PAX3: variants seen among roughly 807,000 people sequenced by gnomAD.
The protein encoded by PAX3 is paired box 3, also known as paired box protein Pax-3.
A neutral mutation model predicts 51.6 loss-of-function variants in PAX3; 14 were observed. That is an observed-to-expected ratio of 0.27 (90% CI 0.18 to 0.42). The LOEUF (loss-of-function observed/expected upper bound fraction) is 0.42, where lower values mean the gene tolerates loss of function less well. PAX3 is among the 10% of genes least tolerant of loss of function. The pLI is 1.00. For missense variants in PAX3, 540 were observed against 642.8 expected (o/e 0.84, Z 1.73); for synonymous variants, 280 against 253.4 (o/e 1.11, Z -1.00).
At chr2:222,251,658 A>T (rs57251250) in intron 4 of PAX3, among the ~76,000 whole-genome samples, 17,627 of 152,106 alleles carry the variant, frequency 0.12, 1,248 homozygotes, top group East Asian at 0.32. Context: ...TGGTATTTCT[A>T]GTTCTAGATC....
At chr2:222,264,885 C>T (rs999575513) in intron 4 of PAX3, 4 of 152,232 alleles carry the variant, frequency 2.6e-5, no homozygotes, top group African/African-American at 4.8e-5. Context: ...CATTCCATAC[C>T]TTTGCCCATG....
chr2:222,229,302 C>T (rs114579427), intron 5 of PAX3, among the ~76,000 whole-genome samples: 2,422 of 150,262 alleles, frequency 0.016, 40 homozygotes, highest in South Asian at 0.07. Context: ...TATAATATTA[C>T]TATATCAATA....
At chr2:222,206,731 A>G (rs1394331240) in intron 7 of PAX3, among the ~76,000 whole-genome samples, 1 of 152,216 alleles carries the variant, frequency 6.6e-6, no homozygotes, top group Non-Finnish European at 1.5e-5. Flanking sequence ...AATAAAAAAG[A>G]TAAAAACTAT....
Position 222,298,682 on chromosome 2 carries a change from G to T in PAX3, c.-67C>A, listed in dbSNP as rs770829053. On this transcript the variant is annotated 5_prime_UTR_variant, in exon 1 of 9. Transcript: ENST00000392070. ...CGAAACGGAAAGGCGAGTGCGGCGC[G>T]GATGACCCTCGGGAACTATCCGGAG... 2 of 1,442,562 alleles carry T rather than the reference G, an allele frequency of 1.4e-6. No homozygotes were observed. Among genetic ancestry groups the T allele is most frequent in the Non-Finnish European group, 1.9e-6 (2 of 1,048,284 alleles). 89.4% of individuals were successfully genotyped at this position (1,442,562 alleles called of 1,614,324 possible). A position where few individuals can be genotyped will look rare whatever the true frequency, so the allele number is the denominator to read the frequency against.
At chr2:222,269,544 G>A (rs1694175558) in intron 4 of PAX3, among the ~76,000 whole-genome samples, 1 of 151,888 alleles carries the variant, frequency 6.6e-6, no homozygotes, top group Non-Finnish European at 1.5e-5. Context: ...GTAGTGATTA[G>A]TGCAAACAAA....
At chr2:222,279,140 G>A (rs917690281) in intron 4 of PAX3, among the ~76,000 whole-genome samples, 5 of 152,110 alleles carry the variant, frequency 3.3e-5, no homozygotes, top group Non-Finnish European at 2.9e-5. Context: ...TAGTAGAGAC[G>A]GGGCGGTTTC....
At chr2:222,211,099 A>G (rs1691708651) in intron 7 of PAX3, among the ~76,000 whole-genome samples, 1 of 152,100 alleles carries the variant, frequency 6.6e-6, no homozygotes, top group Non-Finnish European at 1.5e-5. Context: ...ACTCCTAGAC[A>G]CAAGCGATCC....
chr2:222,293,514 C>A, intron 4 of PAX3: 6 of 951,558 alleles, frequency 6.3e-6, no homozygotes, highest in Non-Finnish European at 7.9e-6. Context: ...AGGGTGCCAG[C>A]ACTCTAAGAA....
intron 6 of PAX3, among the ~76,000 whole-genome samples, chr2:222,220,644 A>G (rs1468273031): frequency 2.0e-5 from 3 of 152,226 alleles, no homozygotes; most frequent in Non-Finnish European, 4.4e-5. Context: ...TTTGGTAGTG[A>G]ATGTTATTCA....
chr2:222,210,744 G>A (rs1559256058), intron 7 of PAX3, among the ~76,000 whole-genome samples: 1 of 152,148 alleles, frequency 6.6e-6, no homozygotes, highest in Non-Finnish European at 1.5e-5. Context: ...TCTTTGAAAT[G>A]TCTAAGTAGA....
chr2:222,217,169 T>C (rs547238539), intron 7 of PAX3, among the ~76,000 whole-genome samples: 11 of 152,302 alleles, frequency 7.2e-5, no homozygotes, highest in Admixed American at 6.5e-5. Flanking sequence ...TGGGGGTTGT[T>C]TTTTCTACTT....
intron 4 of PAX3, chr2:222,263,369 T>C (rs1678311815): frequency 6.6e-6 from 1 of 152,176 alleles, no homozygotes; most frequent in Non-Finnish European, 1.5e-5. Flanking sequence ...TGAAAAGTTG[T>C]CCAACATCAT....
At chr2:222,271,063 T>C (rs1438629323) in intron 4 of PAX3, among the ~76,000 whole-genome samples, 1 of 152,236 alleles carries the variant, frequency 6.6e-6, no homozygotes, top group Non-Finnish European at 1.5e-5. Flanking sequence ...ACTTCTGATG[T>C]GTTCGCGGTC....
chr2:222,233,802 A>T (rs369874355), intron 4 of PAX3, among the ~76,000 whole-genome samples: 120 of 152,322 alleles, frequency 7.9e-4, no homozygotes, highest in African/African-American at 2.7e-3. Context: ...GATCCTGTAA[A>T]GAAGGGGCCG....
chr2:222,225,816 A>G (rs1175675575), intron 5 of PAX3, among the ~76,000 whole-genome samples: 1 of 152,238 alleles, frequency 6.6e-6, no homozygotes, highest in East Asian at 1.9e-4. Flanking sequence ...TCACACTGAC[A>G]CTTCTATCTG....
At position 222,220,373 on chromosome 2, in the gene PAX3, T is replaced by C; in HGVS notation, c.959-19A>G. The C allele has an allele frequency of 6.2e-7, 1 of 1,612,056 alleles. No individual in the cohort carries two copies. Among genetic ancestry groups the C allele is most frequent in the Non-Finnish European group, 8.5e-7 (1 of 1,178,250 alleles). On this transcript the variant is annotated intron_variant, in intron 6 of 8. Coordinates refer to ENST00000392070, the MANE Select transcript of PAX3 (RefSeq NM_181458.4). ...GACACAGCTGAAATGAAAAAGATTG[T>C]CAACCATCATGTTTTCTTTTAGGCC...
At chr2:222,288,730 G>A (rs1168678981) in intron 4 of PAX3, among the ~76,000 whole-genome samples, 1 of 152,104 alleles carries the variant, frequency 6.6e-6, no homozygotes, top group Admixed American at 6.5e-5. Flanking sequence ...ATCACGATAG[G>A]ATAATTAAAA....
At chr2:222,239,031 A>T (rs1352746567) in intron 4 of PAX3, among the ~76,000 whole-genome samples, 1 of 152,170 alleles carries the variant, frequency 6.6e-6, no homozygotes, top group Non-Finnish European at 1.5e-5. Flanking sequence ...TCTCGTGTTT[A>T]CTCGGGTGAA....
intron 5 of PAX3, among the ~76,000 whole-genome samples, chr2:222,230,343 ATGAG>A (rs1045209874): frequency 6.9e-5 from 10 of 145,396 alleles, no homozygotes; most frequent in African/African-American, 2.0e-4. Flanking sequence ...GTTCTCACTC[ATGAG>A]TGAGAGTTGA....
Sources: gnomAD v4.1 joint callset for allele counts (sites outside exome capture counted in the v4.1 genomes callset) on GRCh38, gnomAD v4.1.1 for gene constraint, MANE v1.5 for transcripts, NCBI Gene and HGNC (gene_info 2026-07-23, HGNC 2026-07-21) for gene names.